The following CHST15 variants were observed in gnomAD, a reference collection of about 807,000 sequenced individuals.
CHST15 encodes the protein carbohydrate sulfotransferase 15, also known as B cell RAG associated protein (GALNAC4S-6ST).
Under a neutral mutation model 53.6 loss-of-function variants are expected in CHST15, and 30 were observed. The observed-to-expected ratio is 0.56, with a 90% CI of 0.42 to 0.76. The LOEUF (loss-of-function observed/expected upper bound fraction) is 0.76. Ranked by LOEUF, CHST15 falls within the 30% of genes least tolerant of loss-of-function variation. CHST15 has a pLI of 0.00. For missense variants in CHST15, 627 were observed against 740.5 expected (o/e 0.85, Z 1.78); for synonymous variants, 296 against 289.8 (o/e 1.02, Z -0.22).
chr10:124,043,429 A>C (rs1434124327), intron 3 of CHST15, among the ~76,000 whole-genome samples: 1 of 152,272 alleles, frequency 6.6e-6, no homozygotes, highest in Admixed American at 6.5e-5. Context: ...TAGGACGAAC[A>C]TCAAAAGGAT....
chr10:124,073,393 A>G (rs560754086), intron 1 of CHST15, among the ~76,000 whole-genome samples: 3 of 152,280 alleles, frequency 2.0e-5, no homozygotes, highest in East Asian at 3.9e-4. Context: ...CAGGATAGCA[A>G]TTTCCCTTGC....
At chr10:124,078,611 G>A (rs761669638) in intron 1 of CHST15, among the ~76,000 whole-genome samples, 30 of 152,294 alleles carry the variant, frequency 2.0e-4, no homozygotes, top group East Asian at 5.8e-4. Context: ...ATGTGGACCC[G>A]TGGAACCTGT....
intron 3 of CHST15, among the ~76,000 whole-genome samples, chr10:124,044,094 G>GGAGGGAACGGCA (rs1224675116): frequency 2.0e-5 from 3 of 151,544 alleles, no homozygotes; most frequent in African/African-American, 7.3e-5. Context: ...GCGGCACAGA[G>GGAGGGAACGGCA]CAGGGAACGG....
At chr10:124,070,921 C>G (rs1948892366) in intron 1 of CHST15, among the ~76,000 whole-genome samples, 1 of 152,180 alleles carries the variant, frequency 6.6e-6, no homozygotes, top group Non-Finnish European at 1.5e-5. Context: ...GGCTGCCCTT[C>G]ACGGCACTGT....
chr10:124,015,282 T>C (rs1946552223), intron 6 of CHST15, among the ~76,000 whole-genome samples: 1 of 152,084 alleles, frequency 6.6e-6, no homozygotes, highest in Admixed American at 6.5e-5. Flanking sequence ...AAAAAGCGTA[T>C]TTAGGGCAAG....
intron 6 of CHST15, among the ~76,000 whole-genome samples, chr10:124,017,475 G>C (rs567775410): frequency 2.6e-5 from 4 of 151,802 alleles, no homozygotes; most frequent in Non-Finnish European, 5.9e-5. Flanking sequence ...AGTCACGCAG[G>C]ATCACCAAGA....
chr10:124,007,713 G>C lies in CHST15; in HGVS notation c.*2436C>G. Reference sequence around the variant, plus strand: ...CGCGCTCCACAGGCGTCACTCTTATGGGTCCATCTTTAATTATGTTAAATA... The same window carrying C: ...CGCGCTCCACAGGCGTCACTCTTATCGGTCCATCTTTAATTATGTTAAATA... On this transcript the variant is annotated 3_prime_UTR_variant, in exon 8 of 8. Transcript: ENST00000435907. The C allele has an allele frequency of 8.2e-7, 1 of 1,226,272 alleles. No homozygotes were observed. Among genetic ancestry groups the C allele is most frequent in the African/African-American group, 1.6e-5 (1 of 64,424 alleles). The allele number at this position is 1,226,272 out of a possible 1,614,324, so 76.0% of individuals were successfully genotyped here. A position where few individuals can be genotyped will look rare whatever the true frequency, so the allele number is the denominator to read the frequency against.
chr10:124,073,366 A>T (rs1239788883), intron 1 of CHST15, among the ~76,000 whole-genome samples: 1 of 152,132 alleles, frequency 6.6e-6, no homozygotes, highest in East Asian at 1.9e-4. Context: ...CAGGCCAAAA[A>T]CCCAGGCCGC....
intron 1 of CHST15, among the ~76,000 whole-genome samples, chr10:124,087,116 G>A (rs905520320): frequency 5.3e-5 from 8 of 152,192 alleles, no homozygotes; most frequent in Admixed American, 5.2e-4. Context: ...CCACTTTCGT[G>A]GAAGGGTAAG....
intron 1 of CHST15, among the ~76,000 whole-genome samples, chr10:124,064,803 A>G (rs1948704888): frequency 6.6e-6 from 1 of 151,910 alleles, no homozygotes; most frequent in Admixed American, 6.6e-5. Context: ...CTCACCCTTC[A>G]GATCTCAGGC....
At position 124,042,293 on chromosome 10, in the gene CHST15, C is replaced by A. The variant is rs28716482; in HGVS notation, c.1033+8G>T. On this transcript the variant is annotated splice_region_variant and intron_variant, in intron 4 of 7. Coordinates refer to ENST00000435907, the MANE Select transcript of CHST15 (RefSeq NM_001270764.2). ...GCTAGCCCTGCCAGAGTGACACAGA[C>A]GCCTTACCGATAATGATTGTATTCA... 439,044 of 1,604,430 alleles carry A rather than the reference C, an allele frequency of 0.27. 64,119 individuals are homozygous for A. The highest frequency in any genetic ancestry group is 0.55 in the African/African-American group (40,804 of 74,782).
At chr10:124,029,882 G>A (rs1374884681) in intron 5 of CHST15, among the ~76,000 whole-genome samples, 1 of 152,136 alleles carries the variant, frequency 6.6e-6, no homozygotes. Flanking sequence ...CCCCAGGGTC[G>A]TTTCTAAGTG....
intron 1 of CHST15, among the ~76,000 whole-genome samples, chr10:124,075,762 C>G (rs1281379188): frequency 6.6e-6 from 1 of 152,224 alleles, no homozygotes; most frequent in Non-Finnish European, 1.5e-5. Context: ...CTCTCTCCCT[C>G]TCCACTGGCA....
chr10:124,020,197 C>G (rs1946724441), intron 6 of CHST15: 4 of 985,484 alleles, frequency 4.1e-6, no homozygotes, highest in Non-Finnish European at 4.8e-6. Context: ...ATCACAACAG[C>G]CTGGTACAGC....
At chr10:124,070,965 G>T (rs1157866698) in intron 1 of CHST15, among the ~76,000 whole-genome samples, 1 of 152,198 alleles carries the variant, frequency 6.6e-6, no homozygotes, top group African/African-American at 2.4e-5. Flanking sequence ...GCGGGGCAAA[G>T]GCAGGAGGCA....
intron 1 of CHST15, among the ~76,000 whole-genome samples, chr10:124,068,629 T>C (rs2134144976): frequency 6.6e-6 from 1 of 152,368 alleles, no homozygotes; most frequent in South Asian, 2.1e-4. Flanking sequence ...TTGCAATAAC[T>C]AGTCCTTCAT....
At chr10:124,051,726 A>G (rs1181839059) in intron 1 of CHST15, among the ~76,000 whole-genome samples, 1 of 152,216 alleles carries the variant, frequency 6.6e-6, no homozygotes, top group African/African-American at 2.4e-5. Context: ...GAAAGTGTTC[A>G]ATTACCCAGC....
At chr10:124,025,034 C>T (rs1015889638) in intron 5 of CHST15, among the ~76,000 whole-genome samples, 1 of 152,212 alleles carries the variant, frequency 6.6e-6, no homozygotes, top group Non-Finnish European at 1.5e-5. Flanking sequence ...CATAAATTAC[C>T]TCACACAAAC....
chr10:124,083,991 C>A (rs1737962771), intron 1 of CHST15, among the ~76,000 whole-genome samples: 1 of 152,218 alleles, frequency 6.6e-6, no homozygotes, highest in African/African-American at 2.4e-5. Context: ...CTCACGGTTT[C>A]TAAGCCCACA....
Sources: allele counts gnomAD v4.1 joint callset (sites outside exome capture counted in the v4.1 genomes callset), GRCh38; gene constraint gnomAD v4.1.1; transcripts MANE v1.5; gene names NCBI Gene and HGNC (gene_info 2026-07-23, HGNC 2026-07-21).